Variants in ERG observed in about 807,000 individuals in gnomAD.
ERG encodes ETS transcription factor ERG.
In ERG, 9 loss-of-function variants were observed where a neutral mutation model predicts 55.3. The observed-to-expected ratio is 0.16, with a 90% CI of 0.10 to 0.28. The LOEUF (loss-of-function observed/expected upper bound fraction) is 0.28, where lower values mean the gene tolerates loss of function less well. Ranked by LOEUF, ERG falls within the 10% of genes least tolerant of loss-of-function variation. ERG has a pLI of 1.00. For synonymous variants in ERG, 223 were observed against 237.3 expected (o/e 0.94, Z 0.55); for missense variants, 434 against 631.6 (o/e 0.69, Z 3.35).
intron 2 of ERG, among the ~76,000 whole-genome samples, chr21:38,558,287 C>T: frequency 6.6e-6 from 1 of 152,160 alleles, no homozygotes; most frequent in East Asian, 1.9e-4. Flanking sequence ...TGAGATTTCC[C>T]AGCCTGAAAC....
intron 1 of ERG, among the ~76,000 whole-genome samples, chr21:38,590,343 G>C (rs539157993): frequency 1.1e-3 from 164 of 152,184 alleles, no homozygotes; most frequent in Non-Finnish European, 2.0e-3. Flanking sequence ...GAGCAGGAAA[G>C]GTGGAGGAAA....
At chr21:38,647,007 C>A (rs2060461111) in intron 1 of ERG, among the ~76,000 whole-genome samples, 2 of 152,204 alleles carry the variant, frequency 1.3e-5, no homozygotes, top group Admixed American at 6.5e-5. Flanking sequence ...GCCTTGCTCT[C>A]TCTAGGCTAC....
intron 1 of ERG, among the ~76,000 whole-genome samples, chr21:38,633,207 G>T (rs2060367713): frequency 6.6e-6 from 1 of 152,186 alleles, no homozygotes; most frequent in South Asian, 2.1e-4. Context: ...AATAGAATGG[G>T]TTACCACAGG....
chr21:38,514,644 T>G (rs1368315558), intron 2 of ERG, among the ~76,000 whole-genome samples: 1 of 151,982 alleles, frequency 6.6e-6, no homozygotes, highest in East Asian at 1.9e-4. Flanking sequence ...CCACACATTT[T>G]CATGTCAAAA....
intron 2 of ERG, among the ~76,000 whole-genome samples, chr21:38,423,901 G>A (rs754635044): frequency 7.2e-5 from 11 of 152,144 alleles, no homozygotes; most frequent in Non-Finnish European, 1.3e-4. Context: ...GCTTGAATCC[G>A]GGAGGTGGAG....
At chr21:38,541,571 A>C (rs1035542711) in intron 2 of ERG, among the ~76,000 whole-genome samples, 1 of 152,248 alleles carries the variant, frequency 6.6e-6, no homozygotes, top group Non-Finnish European at 1.5e-5. Context: ...TTAAGGCAAT[A>C]AAGTCAAACA....
At chr21:38,462,961 T>C (rs950756134) in intron 1 of ERG, among the ~76,000 whole-genome samples, 1 of 152,130 alleles carries the variant, frequency 6.6e-6, no homozygotes, top group African/African-American at 2.4e-5. Context: ...TAACTGTGCT[T>C]TTCTGGATCA....
At chr21:38,429,048 C>T (rs8133590) in intron 2 of ERG, among the ~76,000 whole-genome samples, 5,786 of 152,200 alleles carry the variant, frequency 0.038, 173 homozygotes, top group Non-Finnish European at 0.057. Flanking sequence ...TCCCATGCTT[C>T]CCCCAGAGTC....
At chr21:38,581,417 C>A (rs993616674) in intron 1 of ERG, among the ~76,000 whole-genome samples, 2 of 152,208 alleles carry the variant, frequency 1.3e-5, no homozygotes, top group African/African-American at 4.8e-5. Context: ...TCGTTTCTGG[C>A]ATGGAGCTCC....
intron 2 of ERG, among the ~76,000 whole-genome samples, chr21:38,574,783 A>C (rs1244298019): frequency 6.6e-6 from 1 of 152,222 alleles, no homozygotes; most frequent in Non-Finnish European, 1.5e-5. Flanking sequence ...CACACCACTT[A>C]GGGAAAATGA....
intron 3 of ERG, among the ~76,000 whole-genome samples, chr21:38,407,292 C>T (rs763765783): frequency 6.6e-6 from 1 of 152,046 alleles, no homozygotes; most frequent in Non-Finnish European, 1.5e-5. Flanking sequence ...AGGAATGTTC[C>T]TGTGATATTT....
intron 1 of ERG, among the ~76,000 whole-genome samples, chr21:38,644,604 TGTA>T (rs1445784363): frequency 6.6e-6 from 1 of 152,222 alleles, no homozygotes; most frequent in Non-Finnish European, 1.5e-5. Flanking sequence ...TTCCTTTCAA[TGTA>T]GTCCAAGGAA....
chr21:38,551,312 G>A (rs766363145), intron 2 of ERG, among the ~76,000 whole-genome samples: 1 of 151,682 alleles, frequency 6.6e-6, no homozygotes, highest in African/African-American at 2.4e-5. Context: ...ATTTTTGTTG[G>A]TCTTTTGCAT....
intron 1 of ERG, among the ~76,000 whole-genome samples, chr21:38,626,109 A>G (rs2060323216): frequency 6.6e-6 from 1 of 151,842 alleles, no homozygotes; most frequent in Non-Finnish European, 1.5e-5. Context: ...TTTAGTAGAG[A>G]CAGGGTTTCA....
chr21:38,440,784 T>A, intron 2 of ERG, among the ~76,000 whole-genome samples: 1 of 64,120 alleles, frequency 1.6e-5, no homozygotes. Context: ...AGCAAAACTG[T>A]CTCAAAAAAA....
At chr21:38,437,684 A>G (rs1227497830) in intron 2 of ERG, among the ~76,000 whole-genome samples, 1 of 152,166 alleles carries the variant, frequency 6.6e-6, no homozygotes, top group Non-Finnish European at 1.5e-5. Context: ...ACATTCCCCA[A>G]GCCTTGGCCC....
intron 2 of ERG, among the ~76,000 whole-genome samples, chr21:38,552,888 G>C (rs1002426012): frequency 2.8e-4 from 43 of 151,378 alleles, no homozygotes; most frequent in African/African-American, 1.0e-3. Flanking sequence ...AATGGGAAGA[G>C]AGGAAGTCAA....
rs1342744817 is a variant in ERG at position 38,473,004 on chromosome 21, A to AGGCAGGC, written c.18+25352_18+25358dup. Among the ~76,000 whole-genome samples, 6 of 152,254 alleles carry AGGCAGGC rather than the reference A, an allele frequency of 3.9e-5. No homozygotes were observed. In the East Asian group the frequency reaches 1.2e-3, roughly 30 times the overall value. The stretch of plus-strand genomic sequence containing the variant: ...GCTCCCCGCCTGCAGACCCGGCATG[A>AGGCAGGC]GGCAGGCAGCAGGCACTGCGGGGCA... On this transcript the variant is annotated intron_variant, in intron 1 of 9. Transcript: ENST00000288319.
At chr21:38,586,692 AATACT>A (rs2060067503), upstream of ERG, among the ~76,000 whole-genome samples, 2 of 152,186 alleles carry the variant, frequency 1.3e-5, no homozygotes, top group Non-Finnish European at 2.9e-5. Flanking sequence ...TACAAAACAA[AATACT>A]ATATGTTTTA....
Sources: gnomAD v4.1 joint callset for allele counts (sites outside exome capture counted in the v4.1 genomes callset) on GRCh38, gnomAD v4.1.1 for gene constraint, MANE v1.5 for transcripts, NCBI Gene and HGNC (gene_info 2026-07-23, HGNC 2026-07-21) for gene names.